The following DIAPH2 variants were observed in gnomAD, a reference collection of about 807,000 sequenced individuals.
DIAPH2 encodes diaphanous related formin 2.
In DIAPH2, 35 loss-of-function variants were observed where a neutral mutation model predicts 92.7. The ratio of observed to expected loss-of-function variants is 0.38; its 90% CI spans 0.29 to 0.50. The LOEUF is 0.50. Ranked by LOEUF, DIAPH2 falls within the 20% of genes least tolerant of loss-of-function variation. The probability of loss-of-function intolerance (pLI) is 0.94; values close to 1 mark genes in which losing one functional copy is unlikely to be tolerated. For synonymous variants in DIAPH2, 301 were observed against 280.4 expected (o/e 1.07, Z -0.73); for missense variants, 701 against 819.5 (o/e 0.86, Z 1.77).
At chrX:97,492,873 C>A (rs1042110207) in intron 26 of DIAPH2, among the ~76,000 whole-genome samples, 4 of 112,145 alleles carry the variant, frequency 3.6e-5, no homozygotes, top group African/African-American at 1.3e-4. Context: ...GTGTAGACTT[C>A]TTTGGGTTTG....
At chrX:97,448,953 G>A (rs2070335777) in intron 26 of DIAPH2, among the ~76,000 whole-genome samples, 1 of 111,925 alleles carries the variant, frequency 8.9e-6, no homozygotes, top group African/African-American at 3.2e-5. Flanking sequence ...TCTTGCTTTC[G>A]TATCTGCTTT....
chrX:97,114,665 TA>T, intron 20 of DIAPH2, 60 bp from the exon 21 acceptor site: 1 of 1,034,121 alleles, frequency 9.7e-7, no homozygotes. Context: ...TTATCCCCAC[TA>T]AAGAGATAAA....
At chrX:96,951,249 G>C (rs2065772831) in intron 15 of DIAPH2, among the ~76,000 whole-genome samples, 1 of 111,605 alleles carries the variant, frequency 9.0e-6, no homozygotes, top group South Asian at 3.7e-4. Context: ...TCCCTCCTTT[G>C]CTCATCTGTG....
In DIAPH2 at chrX:97,429,509, G is replaced by A. The variant is rs2070104700; in HGVS notation, c.3146-141G>A. 8.0e-6 allele frequency: 7 copies of A among 870,673 alleles called. No homozygotes were observed. The South Asian group carries it at 2.6e-4, about 32-fold the overall frequency. 71.8% of individuals were successfully genotyped at this position (870,673 alleles called of 1,213,427 possible). A position where few individuals can be genotyped will look rare whatever the true frequency, so the allele number is the denominator to read the frequency against. On this transcript the variant is annotated intron_variant, in intron 25 of 26. Coordinates refer to ENST00000324765, the MANE Select transcript of DIAPH2 (RefSeq NM_006729.5). ...AAAGTAGTCTGTGGTGCCAGAAACT[G>A]ACAGGATCCATTATGTTAAAACAGA...
In DIAPH2 at chrX:97,125,650, T is replaced by G. The variant is rs540998988; in HGVS notation, c.2589+10685T>G. ...ACTCACCTGTGGCTTAGTTTTTGAC[T>G]CATTAAATACAGATACATTTTCAGG... is the stretch of plus-strand genomic sequence containing the variant. On this transcript the variant is annotated intron_variant, in intron 21 of 26. Transcript: ENST00000324765. Among the ~76,000 whole-genome samples the G allele has an allele frequency of 3.1e-4, 34 of 110,712 alleles. 1 individual carries two copies. The South Asian group carries it at 0.013, about 42-fold the overall frequency.
chrX:97,130,066 C>T (rs181798641), intron 21 of DIAPH2, among the ~76,000 whole-genome samples: 1 of 112,194 alleles, frequency 8.9e-6, no homozygotes, highest in African/African-American at 3.2e-5. Flanking sequence ...AATACCACTT[C>T]AAACATACTA....
At chrX:97,404,319 C>T (rs746965733) in intron 25 of DIAPH2, among the ~76,000 whole-genome samples, 14 of 111,709 alleles carry the variant, frequency 1.3e-4, no homozygotes, top group African/African-American at 4.2e-4. Context: ...GTAAACCTAA[C>T]CTTATTTATA....
intron 26 of DIAPH2, among the ~76,000 whole-genome samples, chrX:97,590,562 T>C (rs1325190577): frequency 8.9e-6 from 1 of 112,350 alleles, no homozygotes; most frequent in Non-Finnish European, 1.9e-5. Context: ...TTCTTAGTCA[T>C]AGGCATATAT....
At chrX:97,123,909 T>C (rs1338083899) in intron 21 of DIAPH2, among the ~76,000 whole-genome samples, 2 of 112,567 alleles carry the variant, frequency 1.8e-5, no homozygotes, top group African/African-American at 3.2e-5. Context: ...CTATATAGTA[T>C]AGTGGTGCAC....
chrX:97,427,657 GTTTTGTTTTTGT>G (rs60989289), intron 25 of DIAPH2, among the ~76,000 whole-genome samples: 95 of 97,450 alleles, frequency 9.7e-4, no homozygotes, highest in African/African-American at 2.5e-3. Flanking sequence ...TGTTTTGTTT[GTTTTGTTTTTGT>G]TTTTGTTTTT....
At chrX:96,710,617 A>G (rs1438209783) in intron 1 of DIAPH2, among the ~76,000 whole-genome samples, 15 of 111,327 alleles carry the variant, frequency 1.3e-4, no homozygotes, top group Admixed American at 1.3e-3. Context: ...ATGCTAGTCA[A>G]TCTTTGGATC....
chrX:97,438,866 A>G (rs1283882224), intron 26 of DIAPH2, among the ~76,000 whole-genome samples: 1 of 112,018 alleles, frequency 8.9e-6, no homozygotes, highest in Non-Finnish European at 1.9e-5. Context: ...TAATTATGCC[A>G]AATTTTACTT....
chrX:96,756,714 T>A (rs987473250), intron 3 of DIAPH2, among the ~76,000 whole-genome samples: 1 of 111,166 alleles, frequency 9.0e-6, no homozygotes, highest in Non-Finnish European at 1.9e-5. Flanking sequence ...AAAGTGGTTG[T>A]ATCATTTCTC....
At chrX:97,213,762 T>C (rs1474097756) in intron 22 of DIAPH2, among the ~76,000 whole-genome samples, 1 of 112,472 alleles carries the variant, frequency 8.9e-6, no homozygotes, top group Admixed American at 9.5e-5. Context: ...TTATTAAGCA[T>C]CTATATATCA....
chrX:96,961,410 T>C (rs1333560515), intron 16 of DIAPH2, among the ~76,000 whole-genome samples: 2 of 108,077 alleles, frequency 1.9e-5, no homozygotes, highest in East Asian at 2.9e-4. Flanking sequence ...TCTTTTTTTT[T>C]TTTTCTTTTC....
intron 4 of DIAPH2, among the ~76,000 whole-genome samples, chrX:96,830,765 G>A (rs2064849326): frequency 9.2e-6 from 1 of 109,133 alleles, no homozygotes; most frequent in Admixed American, 9.8e-5. Flanking sequence ...GAAAAAAAAA[G>A]TAACAAATTA....
intron 26 of DIAPH2, among the ~76,000 whole-genome samples, chrX:97,539,501 T>C (rs1413328509): frequency 8.9e-6 from 1 of 112,320 alleles, no homozygotes; most frequent in Non-Finnish European, 1.9e-5. Context: ...TTAAGCCAGA[T>C]ACCAGCCTAT....
intron 17 of DIAPH2, among the ~76,000 whole-genome samples, chrX:97,023,990 A>T (rs2066314852): frequency 8.9e-6 from 1 of 112,089 alleles, no homozygotes; most frequent in South Asian, 3.7e-4. Flanking sequence ...ATATGTAAGT[A>T]CATAGTTCAG....
intron 7 of DIAPH2, among the ~76,000 whole-genome samples, chrX:96,913,141 G>A (rs182659990): frequency 2.7e-5 from 3 of 110,714 alleles, no homozygotes; most frequent in African/African-American, 9.8e-5. Context: ...AGATAAAACA[G>A]TACTTTCCAT....
Sources: allele counts gnomAD v4.1 joint callset (sites outside exome capture counted in the v4.1 genomes callset), GRCh38; gene constraint gnomAD v4.1.1; transcripts MANE v1.5; gene names NCBI Gene and HGNC (gene_info 2026-07-23, HGNC 2026-07-21).